LNX2: variants seen among roughly 807,000 people sequenced by gnomAD.
The protein encoded by LNX2 is ligand of numb-protein X 2.
In LNX2, 35 loss-of-function variants were observed where a neutral mutation model predicts 66.2. That is an observed-to-expected ratio of 0.53 (90% CI 0.40 to 0.70). LNX2 has a LOEUF of 0.70. LNX2 is among the 30% of genes least tolerant of loss of function. The pLI, the probability that LNX2 is intolerant of heterozygous loss-of-function variation, is 0.00. For missense variants in LNX2, 791 were observed against 850.8 expected (o/e 0.93, Z 0.87); for synonymous variants, 337 against 315.6 (o/e 1.07, Z -0.72).
In LNX2 at chr13:27,583,254, G is replaced by GCA. The variant is rs1955438148; in HGVS notation, c.-100-1452_-100-1451insTG. On this transcript the variant is annotated intron_variant, in intron 1 of 9. Coordinates refer to ENST00000316334, the MANE Select transcript of LNX2 (RefSeq NM_153371.4). ...TGTGTGTGTGTGTGTGTGTGTGTGT[G>GCA]TGCGCGCGTCCTCTCCAACATACTT... Among the ~76,000 whole-genome samples the GCA allele has an allele frequency of 3.1e-5, 2 of 64,740 alleles. 1 individual carries two copies. Among genetic ancestry groups the GCA allele is most frequent in the Non-Finnish European group, 5.6e-5 (2 of 35,590 alleles). The allele number at this position is 64,740 out of a possible 152,430, so 42.5% of individuals were successfully genotyped here.
intron 1 of LNX2, among the ~76,000 whole-genome samples, chr13:27,582,694 G>A (rs1955414284): frequency 6.6e-6 from 1 of 152,042 alleles, no homozygotes; most frequent in South Asian, 2.1e-4. Flanking sequence ...TGAACAATGA[G>A]AAGAAATGGA....
chr13:27,562,208 A>C (rs1955143647), intron 5 of LNX2, among the ~76,000 whole-genome samples: 1 of 152,212 alleles, frequency 6.6e-6, no homozygotes. Context: ...CCATCCCCAA[A>C]ATTCACAGGG....
At chr13:27,609,153 TTTTTTC>T (rs1955749017) in intron 1 of LNX2, among the ~76,000 whole-genome samples, 1 of 63,532 alleles carries the variant, frequency 1.6e-5, no homozygotes, top group African/African-American at 4.3e-5. Context: ...CAGTGATTTT[TTTTTTC>T]TTTTTTTTTA....
rs1555268514 is a variant in LNX2 at position 27,583,255 on chromosome 13, T to TGTGTGTGTGTGCGCGC, written c.-100-1453_-100-1452insGCGCGCACACACACAC. Among the ~76,000 whole-genome samples, 4 of 58,530 alleles carry TGTGTGTGTGTGCGCGC rather than the reference T, an allele frequency of 6.8e-5. 2 individuals carry two copies. The Admixed American group carries it at 7.0e-4, about 10-fold the overall frequency. The allele number at this position is 58,530 out of a possible 152,430, so 38.4% of individuals were successfully genotyped here. On this transcript the variant is annotated intron_variant, in intron 1 of 9. Coordinates refer to ENST00000316334, the MANE Select transcript of LNX2 (RefSeq NM_153371.4). The stretch of plus-strand genomic sequence containing the variant: ...GTGTGTGTGTGTGTGTGTGTGTGTG[T>TGTGTGTGTGTGCGCGC]GCGCGCGTCCTCTCCAACATACTTA...
Position 27,553,198 on chromosome 13 carries a change from C to T in LNX2, c.1778+10G>A, listed in dbSNP as rs376274376. The T allele has an allele frequency of 3.1e-5, 50 of 1,608,254 alleles. No individual in the cohort carries two copies. Among genetic ancestry groups the T allele is most frequent in the South Asian group, 2.5e-4 (23 of 90,970 alleles). On this transcript the variant is annotated intron_variant, in intron 8 of 9. Transcript: ENST00000316334. ...TGATTTCCATAAAGCAACAAGAAAG[C>T]GCTCAGTACCTGGGAAGCCCAAGCC...
chr13:27,595,742 A>G lies in LNX2; in HGVS notation c.-100-13939T>C, dbSNP rs1470178360. On this transcript the variant is annotated intron_variant, in intron 1 of 9. Coordinates refer to ENST00000316334, the MANE Select transcript of LNX2 (RefSeq NM_153371.4). ...TCAAACCATTCATCTAAACCATTCAAATCTCTCTGTTTCCAATATTTGTTA... is the reference window on the plus strand; with the variant it reads ...TCAAACCATTCATCTAAACCATTCAGATCTCTCTGTTTCCAATATTTGTTA... 4.6e-5 allele frequency among the ~76,000 whole-genome samples: 7 copies of G among 151,516 alleles called. No homozygotes were observed. In the East Asian group the frequency reaches 1.4e-3, roughly 30 times the overall value.
rs1198661876 is a variant in LNX2, at chr13:27,620,426, GGCACCA to G, written c.-158_-153del. 3 of 131,894 alleles carry G rather than the reference GGCACCA, an allele frequency of 2.3e-5. No homozygotes were observed. Among genetic ancestry groups the G allele is most frequent in the African/African-American group, 9.5e-5 (3 of 31,514 alleles). The allele number at this position is 131,894 out of a possible 1,614,324, so 8.2% of individuals were successfully genotyped here. A position where few individuals can be genotyped will look rare whatever the true frequency, so the allele number is the denominator to read the frequency against. ...GCACGGGCTCCTGGCGCCGCTGCTC[GGCACCA>G]GCTCCCGCTCTCCGCGGCCCGCTGA... On this transcript the variant is annotated 5_prime_UTR_variant, in exon 1 of 10. Transcript: ENST00000316334.
chr13:27,611,514 T>A (rs1267759783), intron 1 of LNX2, among the ~76,000 whole-genome samples: 1 of 152,194 alleles, frequency 6.6e-6, no homozygotes, highest in African/African-American at 2.4e-5. Flanking sequence ...GTTTTGGAGA[T>A]CTGTTGCACT....
chr13:27,616,298 T>C (rs1361145079), intron 1 of LNX2, among the ~76,000 whole-genome samples: 1 of 152,174 alleles, frequency 6.6e-6, no homozygotes, highest in Non-Finnish European at 1.5e-5. Flanking sequence ...AAGGAATGTC[T>C]GGGTTAAGAC....
intron 2 of LNX2, among the ~76,000 whole-genome samples, chr13:27,580,013 A>G (rs1364684175): frequency 6.6e-6 from 1 of 152,218 alleles, no homozygotes. Context: ...TAAGCATTCT[A>G]TAAATCTAAA....
At position 27,548,456 on chromosome 13, in the gene LNX2, A is replaced by G; in HGVS notation, c.1952T>C (p.Ile651Thr). The G allele has an allele frequency of 6.2e-7, 1 of 1,613,966 alleles. No homozygotes were observed. The highest frequency in any genetic ancestry group is 1.1e-5 in the South Asian group (1 of 91,028). Residue 651 changes from isoleucine (I) to threonine (T), a missense_variant, in exon 10 of 10, where the codon ATT (isoleucine) becomes ACT (threonine). Ile to Thr is a moderately conservative substitution (Grantham distance 89, BLOSUM62 -1). Transcript: ENST00000316334. ...YDGRLKCGDM[I>T]VAVNGLSTVG... ...GGTTGACAGCCCATTTACGGCCACA[A>G]TCATGTCACCACACCTGGACAAAGA...
intron 2 of LNX2, among the ~76,000 whole-genome samples, 168 bp downstream of exon 2, chr13:27,581,129 A>G (rs1007587093): frequency 6.6e-6 from 1 of 152,222 alleles, no homozygotes; most frequent in African/African-American, 2.4e-5. Context: ...TTTGATAAAT[A>G]ATGTTAAATA....
intron 3 of LNX2, 86 bp from the exon 4 acceptor site, chr13:27,567,925 A>G (rs1593244677): frequency 9.3e-7 from 1 of 1,073,686 alleles, no homozygotes; most frequent in African/African-American, 1.6e-5. Flanking sequence ...ATCTTCAGGT[A>G]AGTATGTCAC....
intron 1 of LNX2, among the ~76,000 whole-genome samples, chr13:27,590,245 T>C (rs757957142): frequency 6.6e-6 from 1 of 151,956 alleles, no homozygotes; most frequent in Non-Finnish European, 1.5e-5. Context: ...TTATTATTTA[T>C]TTATTTATTT....
chr13:27,593,563 C>CTT lies in LNX2; in HGVS notation c.-100-11762_-100-11761dup, dbSNP rs35280780. Among the ~76,000 whole-genome samples, 588 of 115,514 alleles carry CTT rather than the reference C, an allele frequency of 5.1e-3. 5 individuals carry two copies. Among genetic ancestry groups the CTT allele is most frequent in the African/African-American group, 8.9e-3 (283 of 31,856 alleles). 75.8% of individuals were successfully genotyped at this position (115,514 alleles called of 152,430 possible). Reference sequence around the variant, plus strand: ...CCTTGAAACTCTTTGCTGGCTGAAACTTTTTTTTTTTTTTTTTTTTTGAGA... The same window carrying CTT: ...CCTTGAAACTCTTTGCTGGCTGAAACTTTTTTTTTTTTTTTTTTTTTTTGAGA... On this transcript the variant is annotated intron_variant, in intron 1 of 9. Transcript: ENST00000316334.
chr13:27,619,424 A>C (rs1955867093), intron 1 of LNX2, among the ~76,000 whole-genome samples: 1 of 152,228 alleles, frequency 6.6e-6, no homozygotes, highest in Non-Finnish European at 1.5e-5. Flanking sequence ...ATGCAAAAGA[A>C]ATATCAAAAC....
intron 2 of LNX2, among the ~76,000 whole-genome samples, chr13:27,571,442 G>T (rs1955278662): frequency 6.6e-6 from 1 of 152,094 alleles, no homozygotes; most frequent in African/African-American, 2.4e-5. Context: ...ACTGCAACAG[G>T]GCTTAAAGGA....
upstream of LNX2, chr13:27,620,681 C>G (rs1955894439): frequency 6.5e-6 from 1 of 152,688 alleles, no homozygotes; most frequent in South Asian, 2.0e-4. Flanking sequence ...GCGGCTCCAC[C>G]TATCCGAGAG....
chr13:27,571,171 G>A (rs1488003753), intron 2 of LNX2, among the ~76,000 whole-genome samples: 1 of 152,204 alleles, frequency 6.6e-6, no homozygotes, highest in African/African-American at 2.4e-5. Context: ...ACCAGCCTGA[G>A]TAGATGAAAT....
Sources: gnomAD v4.1 joint callset for allele counts (sites outside exome capture counted in the v4.1 genomes callset) on GRCh38, gnomAD v4.1.1 for gene constraint, MANE v1.5 for transcripts, NCBI Gene and HGNC (gene_info 2026-07-23, HGNC 2026-07-21) for gene names.